The following DIO1 variants were observed in gnomAD, a reference collection of about 807,000 sequenced individuals.
DIO1 encodes the protein iodothyronine deiodinase 1, also known as type I iodothyronine deiodinase.
DIO1 carries 17 observed loss-of-function variants against 25.9 expected under a neutral mutation model. The ratio of observed to expected loss-of-function variants is 0.66; its 90% CI spans 0.45 to 0.98. The LOEUF is 0.98. Among genes scored for constraint, DIO1 ranks in the 50% least tolerant of loss-of-function variants. DIO1 has a pLI of 0.00. For missense variants in DIO1, 270 were observed against 310.4 expected (o/e 0.87, Z 0.98); for synonymous variants, 115 against 114.0 (o/e 1.01, Z -0.05).
chr1:53,902,806 G>A (rs185651577), intron 1 of DIO1, among the ~76,000 whole-genome samples: 5 of 151,960 alleles, frequency 3.3e-5, no homozygotes, highest in Admixed American at 1.3e-4. Flanking sequence ...CTTGTCCTTG[G>A]GATTTAATGT....
chr1:53,897,246 C>T (rs1240654622), intron 1 of DIO1, among the ~76,000 whole-genome samples: 2 of 152,142 alleles, frequency 1.3e-5, no homozygotes, highest in Non-Finnish European at 2.9e-5. Flanking sequence ...GAGGCTGAGG[C>T]GGGCAGATCA....
Position 53,906,277 on chromosome 1 carries a change from G to A in DIO1, c.664G>A (p.Gly222Ser), listed in dbSNP as rs374727667. Residue 222 changes from glycine to serine, a missense_variant, in exon 3 of 4, where the codon GGC becomes AGC. Coordinates refer to ENST00000361921, the MANE Select transcript of DIO1 (RefSeq NM_000792.7). The stretch of plus-strand genomic sequence containing the variant: ...TGAGAGGCTCTACATAATCCAGGAG[G>A]GCAGGATCCTCTACAAGGTGGTGAC... ...LPERLYIIQEGRILYKGKSGP... is the reference protein window; with the variant it reads ...LPERLYIIQESRILYKGKSGP... 1.2e-6 allele frequency: 2 copies of A among 1,612,872 alleles called. No homozygotes were observed. The highest frequency in any genetic ancestry group is 2.7e-5 in the African/African-American group (2 of 74,912).
chr1:53,908,431 C>T (rs1335225005), intron 3 of DIO1, among the ~76,000 whole-genome samples: 3 of 152,168 alleles, frequency 2.0e-5, no homozygotes, highest in African/African-American at 7.2e-5. Context: ...CAATTCAATT[C>T]TGCTGTTATA....
intron 3 of DIO1, 116 bp downstream of exon 3, chr1:53,906,410 C>T (rs1445703116): frequency 1.1e-6 from 1 of 886,238 alleles, no homozygotes; most frequent in African/African-American, 1.7e-5. Flanking sequence ...CAGCCACTTA[C>T]CAGCCATGTG....
chr1:53,894,400 A>C lies in DIO1; in HGVS notation c.190A>C (p.Thr64Pro). 6.2e-7 allele frequency: 1 copy of C among 1,614,154 alleles called. No individual in the cohort carries two copies. ...PHFSHDNWIP[T>P]FFSTQYFWFV... ...TTTCAGCCACGACAACTGGATACCA[A>C]CCTTTTTCAGCACCCAGTATTTCTG... The change falls in exon 1 of 4, where the codon ACC (threonine) becomes CCC (proline). Residue 64 changes from threonine to proline, a missense_variant. By Grantham distance (38) the Thr-to-Pro change is conservative. Coordinates refer to ENST00000361921, the MANE Select transcript of DIO1 (RefSeq NM_000792.7). This position sits in a 1 kb window ranked among gnomAD's most constrained non-coding sequence, Gnocchi z 4.9.
At chr1:53,906,401 A>C (rs1651658399) in intron 3 of DIO1, 107 bp downstream of exon 3, 2 of 966,736 alleles carry the variant, frequency 2.1e-6, no homozygotes, top group African/African-American at 3.3e-5. Context: ...ATCACCACCC[A>C]GCCACTTACC....
chr1:53,897,983 T>C (rs553782507), intron 1 of DIO1, among the ~76,000 whole-genome samples: 1 of 152,126 alleles, frequency 6.6e-6, no homozygotes, highest in African/African-American at 2.4e-5. Flanking sequence ...AAATCATAGG[T>C]ACTAACAATA....
At chr1:53,902,150 C>T (rs1651400832) in intron 1 of DIO1, among the ~76,000 whole-genome samples, 2 of 151,660 alleles carry the variant, frequency 1.3e-5, no homozygotes, top group Non-Finnish European at 2.9e-5. Context: ...CTGTGTGAGT[C>T]TCTTTGGCTA....
In DIO1 at chr1:53,894,221, C is replaced by T. The variant is rs757747128; in HGVS notation, c.11C>T (p.Pro4Leu). 1.2e-6 allele frequency: 2 copies of T among 1,612,776 alleles called. No individual in the cohort carries two copies. Among genetic ancestry groups the T allele is most frequent in the Admixed American group, 1.7e-5 (1 of 59,950 alleles). MGL[P>L]QPGLWLKRLW... ...TCTGGCTTTGCCGAGATGGGGCTGC[C>T]CCAGCCAGGGCTGTGGCTGAAGAGG... is the stretch of plus-strand genomic sequence containing the variant. Residue 4 changes from proline to leucine, a missense_variant, in exon 1 of 4, where the codon CCC (proline) becomes CTC (leucine). Physicochemically the swap from Pro to Leu is moderately conservative, Grantham distance 98 (BLOSUM62 -3). Transcript: ENST00000361921. This position sits in a 1 kb window ranked among gnomAD's most constrained non-coding sequence, Gnocchi z 4.9.
Position 53,910,973 on chromosome 1 carries a change from A to G in DIO1, c.*974A>G, listed in dbSNP as rs1414620024. 3.9e-5 allele frequency: 6 copies of G among 152,690 alleles called. No homozygotes were observed. The highest frequency in any genetic ancestry group is 4.8e-5 in the African/African-American group (2 of 41,480). The allele number at this position is 152,690 out of a possible 1,614,324, so 9.5% of individuals were successfully genotyped here. A position where few individuals can be genotyped will look rare whatever the true frequency, so the allele number is the denominator to read the frequency against. On this transcript the variant is annotated 3_prime_UTR_variant, in exon 4 of 4. Coordinates refer to ENST00000361921, the MANE Select transcript of DIO1 (RefSeq NM_000792.7). Reference sequence around the variant, plus strand: ...ATCTATTTTAACTCTGTGTCTTTACATATTTGTTTATGATGGCCACAGCCT... The same window carrying G: ...ATCTATTTTAACTCTGTGTCTTTACGTATTTGTTTATGATGGCCACAGCCT...
chr1:53,896,028 C>T (rs985196722), intron 1 of DIO1, among the ~76,000 whole-genome samples: 2 of 152,014 alleles, frequency 1.3e-5, no homozygotes, highest in Non-Finnish European at 2.9e-5. Flanking sequence ...GCTTCCTGCT[C>T]AGCACCTGGT....
At position 53,894,535 on chromosome 1, in the gene DIO1, G is replaced by A; in HGVS notation, c.325G>A (p.Glu109Lys). The change falls in exon 1 of 4, where the codon GAG becomes AAG. Residue 109 changes from glutamate (E) to lysine (K), a missense_variant. Coordinates refer to ENST00000361921, the MANE Select transcript of DIO1 (RefSeq NM_000792.7). The surrounding 1 kb of genome is among the most constrained non-coding windows in gnomAD (Gnocchi z 4.9). The part of the protein sequence containing the change: ...RLSGQRCNIW[E>K]FMQGNRPLVL... The stretch of plus-strand genomic sequence containing the variant: ...CTCAGGACAGAGGTGCAACATTTGG[G>A]AGTTTATGCAAGGTCAGGAGGCTGC... The A allele has an allele frequency of 1.2e-6, 2 of 1,613,560 alleles. No individual in the cohort carries two copies. Among genetic ancestry groups the A allele is most frequent in the Non-Finnish European group, 1.7e-6 (2 of 1,179,678 alleles).
At chr1:53,899,892 C>A (rs1292292981) in intron 1 of DIO1, among the ~76,000 whole-genome samples, 2 of 152,048 alleles carry the variant, frequency 1.3e-5, no homozygotes, top group Non-Finnish European at 2.9e-5. Flanking sequence ...TTTTGGGTTC[C>A]TACCTAAAGA....
chr1:53,896,136 G>A (rs1428692764), intron 1 of DIO1, among the ~76,000 whole-genome samples: 3 of 151,956 alleles, frequency 2.0e-5, no homozygotes, highest in Admixed American at 2.0e-4. Flanking sequence ...TCGGCCCAGG[G>A]CCTAGATGCA....
intron 1 of DIO1, among the ~76,000 whole-genome samples, chr1:53,900,856 C>T (rs1032998933): frequency 6.6e-6 from 1 of 152,018 alleles, no homozygotes; most frequent in East Asian, 1.9e-4. Flanking sequence ...ATTCTGTGGC[C>T]CAGGCTGAAG....
At chr1:53,904,051 A>G (rs910796973) in intron 1 of DIO1, among the ~76,000 whole-genome samples, 5 of 152,144 alleles carry the variant, frequency 3.3e-5, no homozygotes, top group Non-Finnish European at 7.3e-5. Flanking sequence ...TCATAGCAAC[A>G]GCTTATATTT....
At chr1:53,909,153 T>C (rs1569745068) in intron 3 of DIO1, among the ~76,000 whole-genome samples, 2 of 148,296 alleles carry the variant, frequency 1.3e-5, no homozygotes, top group Non-Finnish European at 3.0e-5. Context: ...TGGTGGCTCA[T>C]ACCTGTAATC....
intron 2 of DIO1, among the ~76,000 whole-genome samples, chr1:53,905,714 C>G (rs1651619316): frequency 6.6e-6 from 1 of 152,320 alleles, no homozygotes; most frequent in East Asian, 1.9e-4. Context: ...CCTTGCCTCT[C>G]CAAGTATGGT....
intron 2 of DIO1, 185 bp downstream of exon 2, chr1:53,904,994 T>TGCTGTACCCTGC: frequency 1.8e-6 from 1 of 570,310 alleles, no homozygotes; most frequent in Admixed American, 3.5e-5. Flanking sequence ...AGTCTGTGCT[T>TGCTGTACCCTGC]TCAACCAGGG....
Sources: gnomAD v4.1 joint callset for allele counts (sites outside exome capture counted in the v4.1 genomes callset) on GRCh38, gnomAD v4.1.1 for gene constraint, Gnocchi (gnomAD v3.1) non-coding constraint, MANE v1.5 for transcripts, NCBI Gene and HGNC (gene_info 2026-07-23, HGNC 2026-07-21) for gene names.